Variants in VTI1A observed in about 807,000 individuals in gnomAD.
VTI1A encodes vesicle transport through interaction with t-SNAREs homolog 1A.
Under a neutral mutation model 34.9 loss-of-function variants are expected in VTI1A, and 22 were observed. The ratio of observed to expected loss-of-function variants is 0.63; its 90% CI spans 0.45 to 0.90. The LOEUF is 0.90. VTI1A is among the 40% of genes least tolerant of loss of function. The pLI, the probability that VTI1A is intolerant of heterozygous loss-of-function variation, is 0.00. For synonymous variants in VTI1A, 87 were observed against 97.3 expected, an observed-to-expected ratio of 0.89 and a Z score of 0.62; for missense variants, 268 against 275.6, an observed-to-expected ratio of 0.97 and a Z score of 0.20.
At position 112,581,873 on chromosome 10, in the gene VTI1A, G is replaced by A. The variant is rs113243947; in HGVS notation, c.427+43543G>A. On this transcript the variant is annotated intron_variant, in intron 5 of 7. Coordinates refer to ENST00000393077, the MANE Select transcript of VTI1A (RefSeq NM_145206.4). Reference sequence around the variant, plus strand: ...ATATGTGGAAAGAAGAAACTTAATAGGCAAAATGCTCTAAACTACAATTGG... The same window carrying A: ...ATATGTGGAAAGAAGAAACTTAATAAGCAAAATGCTCTAAACTACAATTGG... 1.6e-3 allele frequency among the ~76,000 whole-genome samples: 241 copies of A among 152,208 alleles called. 1 individual carries two copies. The highest frequency in any genetic ancestry group is 6.8e-3 in the Middle Eastern group (2 of 294).
intron 5 of VTI1A, among the ~76,000 whole-genome samples, chr10:112,578,203 A>G (rs74158741): frequency 0.013 from 1,965 of 152,294 alleles, 43 homozygotes; most frequent in African/African-American, 0.043. Context: ...AGAAGAAATA[A>G]CTGAGGCTCG....
chr10:112,486,645 C>CAGAATATACAGTTGTATGTTCTTA (rs1848638704), intron 3 of VTI1A, among the ~76,000 whole-genome samples: 1 of 140,214 alleles, frequency 7.1e-6, no homozygotes, highest in Non-Finnish European at 1.5e-5. Flanking sequence ...AATAATATCA[C>CAGAATATACAGTTGTATGTTCTTA]AGAATATACA....
At chr10:112,482,897 G>T (rs930939948) in intron 3 of VTI1A, among the ~76,000 whole-genome samples, 1 of 152,168 alleles carries the variant, frequency 6.6e-6, no homozygotes, top group African/African-American at 2.4e-5. Context: ...CTGAAACCTT[G>T]CCACTAACTC....
rs1299624143 is a variant in VTI1A at position 112,447,284 on chromosome 10, G to T, written c.-90G>T. On this transcript the variant is annotated 5_prime_UTR_variant, in exon 1 of 8. Coordinates refer to ENST00000393077, the MANE Select transcript of VTI1A (RefSeq NM_145206.4). The stretch of plus-strand genomic sequence containing the variant: ...CGTTCTGCTCTCGGGGGCACCTTCC[G>T]GGGTTCCTAAGCCGCGGGGCCCCTC... 24 of 1,422,470 alleles carry T rather than the reference G, an allele frequency of 1.7e-5. No homozygotes were observed. The highest frequency in any genetic ancestry group is 2.2e-5 in the Non-Finnish European group (23 of 1,042,802). 88.1% of individuals were successfully genotyped at this position (1,422,470 alleles called of 1,614,324 possible).
rs371137450 is a variant in VTI1A at position 112,497,963 on chromosome 10, A to T, written c.265-29124A>T. Among the ~76,000 whole-genome samples, 63 of 152,348 alleles carry T rather than the reference A, an allele frequency of 4.1e-4. No homozygotes were observed. The South Asian group carries it at 0.013, about 31-fold the overall frequency. ...GTTATAGTTCTTAAAATAAGAAATC[A>T]TGCTGTTATTTTCAGCTGACTCCCC... is the stretch of plus-strand genomic sequence containing the variant. On this transcript the variant is annotated intron_variant, in intron 3 of 7. Coordinates refer to ENST00000393077, the MANE Select transcript of VTI1A (RefSeq NM_145206.4).
intron 7 of VTI1A, among the ~76,000 whole-genome samples, chr10:112,747,159 C>T (rs555782238): frequency 2.0e-5 from 3 of 152,330 alleles, no homozygotes; most frequent in South Asian, 4.1e-4. Context: ...CTCGGGACTC[C>T]ACCGGGCCTC....
intron 7 of VTI1A, among the ~76,000 whole-genome samples, chr10:112,679,312 T>TTTA (rs1848135331): frequency 6.6e-6 from 1 of 152,178 alleles, no homozygotes; most frequent in Non-Finnish European, 1.5e-5. Context: ...ATTCTTTTCT[T>TTTA]TTATGGGGAA....
intron 7 of VTI1A, among the ~76,000 whole-genome samples, chr10:112,671,369 C>A (rs545108056): frequency 2.6e-4 from 39 of 152,296 alleles, no homozygotes; most frequent in South Asian, 4.1e-4. Flanking sequence ...ACTCATCTGT[C>A]ACCTTCACAA....
intron 5 of VTI1A, among the ~76,000 whole-genome samples, chr10:112,551,222 C>T (rs1020347441): frequency 5.1e-5 from 6 of 118,754 alleles, no homozygotes; most frequent in African/African-American, 1.3e-4. Flanking sequence ...CCAGCCTGGG[C>T]GGCACAGCGA....
At chr10:112,827,757 T>C in the VTI1A span, 2 of 152,214 alleles carry the variant, frequency 1.3e-5, no homozygotes, top group Non-Finnish European at 2.9e-5. Context: ...CCATTTGAAT[T>C]CTTTCACTTA....
intron 7 of VTI1A, among the ~76,000 whole-genome samples, chr10:112,707,026 C>T (rs189982109): frequency 4.1e-4 from 63 of 152,206 alleles, no homozygotes; most frequent in African/African-American, 1.5e-3. Flanking sequence ...AAAACCTAAA[C>T]GTTTAAAAAC....
At chr10:112,510,474 A>C (rs1316996720) in intron 3 of VTI1A, among the ~76,000 whole-genome samples, 1 of 152,178 alleles carries the variant, frequency 6.6e-6, no homozygotes, top group Non-Finnish European at 1.5e-5. Flanking sequence ...TCTCTAAAAA[A>C]ATAATTAAAA....
At chr10:112,518,493 A>G (rs1174741924) in intron 3 of VTI1A, among the ~76,000 whole-genome samples, 1 of 150,416 alleles carries the variant, frequency 6.6e-6, no homozygotes, top group African/African-American at 2.4e-5. Context: ...AGGATTGCTT[A>G]AGCCCAAGGA....
chr10:112,597,919 G>C (rs1312429851), intron 5 of VTI1A, among the ~76,000 whole-genome samples: 2 of 150,368 alleles, frequency 1.3e-5, no homozygotes, highest in Non-Finnish European at 3.0e-5. Context: ...GGATGGTCTC[G>C]ATCTCCTGAC....
At chr10:112,780,044 C>A (rs1852069870) in intron 7 of VTI1A, among the ~76,000 whole-genome samples, 1 of 149,136 alleles carries the variant, frequency 6.7e-6, no homozygotes. Context: ...AATCCCAGCA[C>A]TTTGGGAGGA....
At chr10:112,528,311 G>A (rs1850308643) in intron 4 of VTI1A, among the ~76,000 whole-genome samples, 1 of 152,034 alleles carries the variant, frequency 6.6e-6, no homozygotes, top group African/African-American at 2.4e-5. Flanking sequence ...GATGTTGTTT[G>A]TGTGATTAAG....
chr10:112,488,950 T>A (rs1848733177), intron 3 of VTI1A, among the ~76,000 whole-genome samples: 1 of 152,214 alleles, frequency 6.6e-6, no homozygotes, highest in African/African-American at 2.4e-5. Flanking sequence ...TATTTTATTC[T>A]CGTGTTTTGG....
At chr10:112,574,278 A>G (rs1852251840) in intron 5 of VTI1A, among the ~76,000 whole-genome samples, 2 of 152,222 alleles carry the variant, frequency 1.3e-5, no homozygotes, top group Admixed American at 6.5e-5. Context: ...TAATATTTGA[A>G]TGCCACAAAT....
intron 7 of VTI1A, among the ~76,000 whole-genome samples, chr10:112,809,068 G>A (rs1853196391): frequency 6.6e-6 from 1 of 152,170 alleles, no homozygotes; most frequent in South Asian, 2.1e-4. Context: ...GTCCATCTGT[G>A]GAATCAGAGT....
Sources: gnomAD v4.1 joint callset for allele counts (sites outside exome capture counted in the v4.1 genomes callset) on GRCh38, gnomAD v4.1.1 for gene constraint, MANE v1.5 for transcripts, NCBI Gene and HGNC (gene_info 2026-07-23, HGNC 2026-07-21) for gene names.